Variants in CLASP1 observed in about 807,000 individuals in gnomAD.
CLASP1 encodes the protein cytoplasmic linker associated protein 1, also known as CLIP-associating protein 1.
A neutral mutation model predicts 192.3 loss-of-function variants in CLASP1; 38 were observed. The ratio of observed to expected loss-of-function variants is 0.20; its 90% confidence interval spans 0.15 to 0.26. CLASP1 has a LOEUF of 0.26. Ranked by LOEUF, CLASP1 falls within the 10% of genes least tolerant of loss-of-function variation. CLASP1 has a pLI of 1.00. For missense variants in CLASP1, 1,433 were observed against 1,932.5 expected (o/e 0.74, Z 4.85); for synonymous variants, 691 against 712.8 (o/e 0.97, Z 0.49).
intron 8 of CLASP1, among the ~76,000 whole-genome samples, chr2:121,498,251 G>A (rs113482430): frequency 0.039 from 5,752 of 147,228 alleles, 153 homozygotes; most frequent in East Asian, 0.14. Context: ...AGGCTGGAGC[G>A]CAGTGGTACA....
chr2:121,572,649 A>G (rs1339215844), intron 2 of CLASP1, among the ~76,000 whole-genome samples: 4 of 152,122 alleles, frequency 2.6e-5, no homozygotes, highest in Non-Finnish European at 5.9e-5. Flanking sequence ...TAATCCCAGA[A>G]TTTTGGGAGG....
At chr2:121,479,219 T>C (rs1377664057) in intron 8 of CLASP1, among the ~76,000 whole-genome samples, 1 of 149,188 alleles carries the variant, frequency 6.7e-6, no homozygotes, top group Admixed American at 6.7e-5. Flanking sequence ...AAAAAAAGCA[T>C]GCAGACTGGA....
chr2:121,343,816 C>T (rs539734395), intron 39 of CLASP1, among the ~76,000 whole-genome samples: 114 of 152,278 alleles, frequency 7.5e-4, no homozygotes, highest in Admixed American at 2.4e-3. Flanking sequence ...GTGGCTCACA[C>T]CTGTAATCCC....
chr2:121,400,244 C>T (rs1189704948), intron 28 of CLASP1, among the ~76,000 whole-genome samples: 2 of 152,060 alleles, frequency 1.3e-5, no homozygotes, highest in South Asian at 2.1e-4. Context: ...TATGGCCTCA[C>T]CGACAGATGC....
rs533130018 is a variant in CLASP1 at position 121,533,514 on chromosome 2, T to G, written c.196-3189A>C. 2.1e-3 allele frequency among the ~76,000 whole-genome samples: 312 copies of G among 150,760 alleles called. 1 individual carries two copies. Among genetic ancestry groups the G allele is most frequent in the African/African-American group, 6.0e-3 (249 of 41,318 alleles). ...TGTGCCTGGCACGTGGTAAGGGTAC[T>G]TTTTTTTTCCCCCTATTTCTGCTTT... is the stretch of plus-strand genomic sequence containing the variant. On this transcript the variant is annotated intron_variant, in intron 2 of 39. Transcript: ENST00000263710.
At chr2:121,536,747 G>T (rs1026788384) in intron 2 of CLASP1, among the ~76,000 whole-genome samples, 1 of 152,212 alleles carries the variant, frequency 6.6e-6, no homozygotes, top group African/African-American at 2.4e-5. Context: ...CAAATTCACT[G>T]ATACAGAAAG....
intron 19 of CLASP1, among the ~76,000 whole-genome samples, chr2:121,435,733 T>C (rs1461538877): frequency 1.3e-5 from 2 of 152,348 alleles, no homozygotes; most frequent in East Asian, 1.9e-4. Flanking sequence ...TTAGAGGAGA[T>C]ACAGTAATTT....
intron 1 of CLASP1, among the ~76,000 whole-genome samples, chr2:121,617,096 C>G (rs796579738): frequency 6.6e-6 from 1 of 152,342 alleles, no homozygotes; most frequent in African/African-American, 2.4e-5. Flanking sequence ...CTAAGCTAAG[C>G]ACCAAGCAGC....
chr2:121,480,336 G>A (rs1000442374), intron 8 of CLASP1, among the ~76,000 whole-genome samples: 5 of 152,224 alleles, frequency 3.3e-5, no homozygotes, highest in South Asian at 4.1e-4. Context: ...TTCACACTGG[G>A]TAAGAGCTGC....
At chr2:121,495,579 C>G (rs1269390971) in intron 8 of CLASP1, among the ~76,000 whole-genome samples, 1 of 151,108 alleles carries the variant, frequency 6.6e-6, no homozygotes, top group East Asian at 2.0e-4. Context: ...GAGAAGCGCT[C>G]GAACCAGGGA....
At chr2:121,530,686 T>A (rs966186833) in intron 2 of CLASP1, 3 of 519,786 alleles carry the variant, frequency 5.8e-6, no homozygotes, top group Non-Finnish European at 1.0e-5. Context: ...CGCGGTCTTC[T>A]GGGTAAAACC....
chr2:121,486,132 G>C (rs1211560926), intron 8 of CLASP1, among the ~76,000 whole-genome samples: 6 of 152,160 alleles, frequency 3.9e-5, no homozygotes, highest in African/African-American at 1.4e-4. Context: ...ACGAGACTGG[G>C]TGACTATAAT....
exon 30 of CLASP1, chr2:121,397,233 A>G (rs756754426): frequency 6.2e-7 from 1 of 1,613,920 alleles, no homozygotes; most frequent in Non-Finnish European, 8.5e-7. Context: ...AATCTGTTGG[A>G]TCCATCTGTC....
intron 2 of CLASP1, among the ~76,000 whole-genome samples, chr2:121,604,364 A>T (rs2064157206): frequency 6.6e-6 from 1 of 152,244 alleles, no homozygotes; most frequent in African/African-American, 2.4e-5. Flanking sequence ...AATTTTAGCC[A>T]GAGTTTAAAG....
rs2076223415 is a variant in CLASP1 at position 121,402,024 on chromosome 2, T to C, written c.2734-154A>G. Among the ~76,000 whole-genome samples the C allele has an allele frequency of 2.0e-5, 3 of 152,186 alleles. No individual in the cohort carries two copies. The South Asian group carries it at 6.2e-4, about 31-fold the overall frequency. ...TCTCTCCTCCATCAATGTAAGTCTT[T>C]AAAAAGCAGTACAGAGAGAAATTAA... On this transcript the variant is annotated intron_variant, in intron 26 of 39. Coordinates refer to ENST00000263710, the Ensembl canonical transcript of CLASP1.
intron 8 of CLASP1, chr2:121,490,262 G>A (rs1369345845): frequency 2.2e-6 from 1 of 453,712 alleles, no homozygotes. Flanking sequence ...GAATATATTA[G>A]AATAGCCTAC....
chr2:121,644,977 A>C (rs191778543), intron 1 of CLASP1, among the ~76,000 whole-genome samples: 106 of 152,096 alleles, frequency 7.0e-4, no homozygotes, highest in Middle Eastern at 3.4e-3. Flanking sequence ...AAAAAAAAAA[A>C]AAACAAGAGT....
chr2:121,473,253 A>G (rs934187839), intron 8 of CLASP1, among the ~76,000 whole-genome samples: 5 of 152,198 alleles, frequency 3.3e-5, no homozygotes, highest in Non-Finnish European at 5.9e-5. Context: ...AAGAAAAAAG[A>G]AAGTTTTTTT....
At chr2:121,524,064 C>G (rs982798421) in intron 6 of CLASP1, among the ~76,000 whole-genome samples, 6 of 152,182 alleles carry the variant, frequency 3.9e-5, no homozygotes, top group African/African-American at 1.4e-4. Flanking sequence ...TGCCCCACCA[C>G]AGAAGTGCAT....
Sources: allele counts gnomAD v4.1 joint callset (sites outside exome capture counted in the v4.1 genomes callset), GRCh38; gene constraint gnomAD v4.1.1; transcripts MANE v1.5; gene names NCBI Gene and HGNC (gene_info 2026-07-23, HGNC 2026-07-21).